Variants in CAMSAP1 observed in about 807,000 individuals in gnomAD.
CAMSAP1 encodes calmodulin-regulated spectrin-associated protein 1.
A neutral mutation model predicts 143.5 loss-of-function variants in CAMSAP1; 58 were observed. The observed-to-expected ratio is 0.40, with a 90% CI of 0.33 to 0.50. The LOEUF (loss-of-function observed/expected upper bound fraction) is 0.50, where lower values mean the gene tolerates loss of function less well. CAMSAP1 is among the 20% of genes least tolerant of loss of function. The probability of loss-of-function intolerance (pLI) is 0.45; values close to 1 mark genes in which losing one functional copy is unlikely to be tolerated. For missense variants in CAMSAP1, 1,969 were observed against 2,115.7 expected, an observed-to-expected ratio of 0.93 and a Z score of 1.36; for synonymous variants, 945 against 859.3, an observed-to-expected ratio of 1.10 and a Z score of -1.74.
rs2131662490 is a variant in CAMSAP1, at chr9:135,822,315, A to G, written c.2346T>C (p.His782=). The G allele has an allele frequency of 6.2e-7, 1 of 1,613,904 alleles. No individual in the cohort carries two copies. The change falls in exon 11 of 17, where the codon CAT becomes CAC. Residue 782 remains histidine (H), a synonymous_variant. Transcript: ENST00000389532. This position sits in a 1 kb window ranked among gnomAD's most constrained non-coding sequence, Gnocchi z 6.1. ...KLQEDMKVKE[H]EDKDDASGRS... is the part of the protein sequence containing the mutation. Reference sequence around the variant, plus strand: ...GGCCGCTGGCGTCATCTTTGTCTTCATGTTCCTTCACCTTCATGTCCTCCT... The same window carrying G: ...GGCCGCTGGCGTCATCTTTGTCTTCGTGTTCCTTCACCTTCATGTCCTCCT...
At position 135,847,174 on chromosome 9, in the gene CAMSAP1, C is replaced by T. The variant is rs573812600; in HGVS notation, c.1045+2963G>A. Among the ~76,000 whole-genome samples the T allele has an allele frequency of 1.1e-4, 17 of 150,184 alleles. No individual in the cohort carries two copies. In the East Asian group the frequency reaches 2.8e-3, roughly 25 times the overall value. ...CATCCTGGCTAACACGGTGAAACCC[C>T]GTCTCTACTAAAAAAAAAAAATACA... On this transcript the variant is annotated intron_variant, in intron 7 of 16. Coordinates refer to ENST00000389532, the MANE Select transcript of CAMSAP1 (RefSeq NM_015447.4).
chr9:135,856,075 A>T (rs990462858), intron 5 of CAMSAP1, among the ~76,000 whole-genome samples: 1 of 152,200 alleles, frequency 6.6e-6, no homozygotes, highest in African/African-American at 2.4e-5. Context: ...AAAATAAAAC[A>T]AAAACAAAAA....
intron 5 of CAMSAP1, among the ~76,000 whole-genome samples, chr9:135,854,984 T>C (rs1217660787): frequency 2.0e-5 from 3 of 152,068 alleles, no homozygotes; most frequent in African/African-American, 2.4e-5. Context: ...TAAGTTCTTA[T>C]CATTTAGCTC....
rs61221445 is a variant in CAMSAP1, at chr9:135,826,194, G to GCA, written c.1223+1211_1223+1212dup. On this transcript the variant is annotated intron_variant, in intron 8 of 16. Coordinates refer to ENST00000389532, the MANE Select transcript of CAMSAP1 (RefSeq NM_015447.4). This position sits in a 1 kb window ranked among gnomAD's most constrained non-coding sequence, Gnocchi z 4.4. Reference sequence around the variant, plus strand: ...CAGAGCAGCGTGTACACGGGCACCAGCACACACACACACACACACACGGCT... The same window carrying GCA: ...CAGAGCAGCGTGTACACGGGCACCAGCACACACACACACACACACACACGGCT... 0.014 allele frequency: 1,539 copies of GCA among 113,612 alleles called. 26 individuals carry two copies. Among genetic ancestry groups the GCA allele is most frequent in the African/African-American group, 0.043 (1,080 of 25,012 alleles). 7.0% of individuals were successfully genotyped at this position (113,612 alleles called of 1,614,324 possible).
At chr9:135,878,193 G>T (rs544182932) in intron 3 of CAMSAP1, among the ~76,000 whole-genome samples, 1 of 152,202 alleles carries the variant, frequency 6.6e-6, no homozygotes, top group Non-Finnish European at 1.5e-5. Flanking sequence ...CGGCCAGGAG[G>T]AGACGGGTGA....
chr9:135,842,889 A>T (rs1836409530), intron 7 of CAMSAP1, among the ~76,000 whole-genome samples: 1 of 152,240 alleles, frequency 6.6e-6, no homozygotes, highest in Non-Finnish European at 1.5e-5. Flanking sequence ...AAAGATGCCA[A>T]ATTGTAAAGA....
chr9:135,837,967 A>G (rs1836153585), intron 7 of CAMSAP1, among the ~76,000 whole-genome samples: 1 of 147,328 alleles, frequency 6.8e-6, no homozygotes. Context: ...TACCCCTTCT[A>G]CAGACACACA....
At chr9:135,813,605 T>C (rs192727576) in intron 16 of CAMSAP1, among the ~76,000 whole-genome samples, 2 of 152,284 alleles carry the variant, frequency 1.3e-5, no homozygotes. Flanking sequence ...GCCCACAGCT[T>C]ATGTGGCACA....
rs1300213066 is a variant in CAMSAP1 at position 135,819,249 on chromosome 9, T to C, written c.3823-103A>G. On this transcript the variant is annotated intron_variant, in intron 11 of 16. Transcript: ENST00000389532. ...GACTTCCACTACGCTTTTAAAAGTT[T>C]AACGCATAAAGACTTCTATGCTTTT... 4 of 1,397,010 alleles carry C rather than the reference T, an allele frequency of 2.9e-6. No individual in the cohort carries two copies. The East Asian group carries it at 1.0e-4, about 35-fold the overall frequency. 86.5% of individuals were successfully genotyped at this position (1,397,010 alleles called of 1,614,324 possible). A position where few individuals can be genotyped will look rare whatever the true frequency, so the allele number is the denominator to read the frequency against.
intron 1 of CAMSAP1, among the ~76,000 whole-genome samples, chr9:135,887,036 G>A (rs547576649): frequency 7.9e-5 from 12 of 152,236 alleles, no homozygotes; most frequent in Admixed American, 2.6e-4. Context: ...GACTGGAAGC[G>A]CAAGAGTAAA....
chr9:135,896,446 C>T (rs1214855269), intron 1 of CAMSAP1, among the ~76,000 whole-genome samples: 1 of 152,160 alleles, frequency 6.6e-6, no homozygotes, highest in Non-Finnish European at 1.5e-5. Flanking sequence ...TAGCTAGGGA[C>T]TTCAACACCC....
At chr9:135,900,129 G>C (rs574142296) in intron 1 of CAMSAP1, among the ~76,000 whole-genome samples, 2 of 152,078 alleles carry the variant, frequency 1.3e-5, no homozygotes, top group Admixed American at 1.3e-4. Context: ...GGGCTCAACT[G>C]ATCTTCCCAC....
rs1200673480 is a variant in CAMSAP1, at chr9:135,820,730, T to C, written c.3822+109A>G. 19 of 1,421,164 alleles carry C rather than the reference T, an allele frequency of 1.3e-5. No homozygotes were observed. The East Asian group carries it at 3.7e-4, about 28-fold the overall frequency. The allele number at this position is 1,421,164 out of a possible 1,614,324, so 88.0% of individuals were successfully genotyped here. ...CTAAACACACACATCCCCTGGCCTC[T>C]TACAGGAGCGGCTGGCCAGCCTGGT... On this transcript the variant is annotated intron_variant, in intron 11 of 16. Transcript: ENST00000389532. This position sits in a 1 kb window ranked among gnomAD's most constrained non-coding sequence, Gnocchi z 4.4.
chr9:135,809,168 T>G lies in CAMSAP1; in HGVS notation c.*2141A>C, dbSNP rs1231010549. 6.6e-6 allele frequency: 1 copy of G among 152,176 alleles called. No individual in the cohort carries two copies. Among genetic ancestry groups the G allele is most frequent in the Non-Finnish European group, 1.5e-5 (1 of 68,038 alleles). The allele number at this position is 152,176 out of a possible 1,614,324, so 9.4% of individuals were successfully genotyped here. On this transcript the variant is annotated 3_prime_UTR_variant, in exon 17 of 17. Transcript: ENST00000389532. ...AAAATTAATCCTGTGTCTGAAACTT[T>G]TCAAGACTAATTAAAAGGGTTGCTG...
Position 135,808,723 on chromosome 9 carries a change from C to G in CAMSAP1, c.*2586G>C, listed in dbSNP as rs1259449435. ...GCAGTCCATCTTTGGTGCACGCACA[C>G]AGCCATGTGCACGCACACGTGTGGG... On this transcript the variant is annotated 3_prime_UTR_variant, in exon 17 of 17. Coordinates refer to ENST00000389532, the MANE Select transcript of CAMSAP1 (RefSeq NM_015447.4). 2.6e-5 allele frequency: 4 copies of G among 152,186 alleles called. No individual in the cohort carries two copies. Among genetic ancestry groups the G allele is most frequent in the African/African-American group, 9.7e-5 (4 of 41,434 alleles). 9.4% of individuals were successfully genotyped at this position (152,186 alleles called of 1,614,324 possible). A position where few individuals can be genotyped will look rare whatever the true frequency, so the allele number is the denominator to read the frequency against.
intron 11 of CAMSAP1, among the ~76,000 whole-genome samples, chr9:135,819,572 G>A (rs1025535992): frequency 2.7e-5 from 4 of 150,418 alleles, no homozygotes; most frequent in Non-Finnish European, 2.9e-5. Context: ...GGTGGCTCAC[G>A]CCTGTAATCC....
Position 135,811,758 on chromosome 9 carries a change from A to C in CAMSAP1, c.4507-147T>G, listed in dbSNP as rs1835061748. On this transcript the variant is annotated intron_variant, in intron 16 of 16. Coordinates refer to ENST00000389532, the MANE Select transcript of CAMSAP1 (RefSeq NM_015447.4). The surrounding 1 kb of genome is among the most constrained non-coding windows in gnomAD (Gnocchi z 4.9). ...TACGGCCTGCCTGTTGTAAACAATT[A>C]CAGCAGACCCCTGTACGGGAGCATT... 1 of 707,796 alleles carries C rather than the reference A, an allele frequency of 1.4e-6. No individual in the cohort carries two copies. Among genetic ancestry groups the C allele is most frequent in the Admixed American group, 2.7e-5 (1 of 37,272 alleles). The allele number at this position is 707,796 out of a possible 1,614,324, so 43.8% of individuals were successfully genotyped here. A position where few individuals can be genotyped will look rare whatever the true frequency, so the allele number is the denominator to read the frequency against.
chr9:135,818,767 G>A lies in CAMSAP1; in HGVS notation c.3960-151C>T, dbSNP rs1181103353. 2 of 1,114,316 alleles carry A rather than the reference G, an allele frequency of 1.8e-6. No homozygotes were observed. The highest frequency in any genetic ancestry group is 1.6e-5 in the South Asian group (1 of 62,602). 69.0% of individuals were successfully genotyped at this position (1,114,316 alleles called of 1,614,324 possible). On this transcript the variant is annotated intron_variant, in intron 12 of 16. Coordinates refer to ENST00000389532, the MANE Select transcript of CAMSAP1 (RefSeq NM_015447.4). The surrounding 1 kb of genome is among the most constrained non-coding windows in gnomAD (Gnocchi z 7.7). ...CCTCCACAAGCGGGACACAGAGGCT[G>A]CAAAGGCAGTCCTGCAGATGACCCA...
chr9:135,818,227 T>C lies in CAMSAP1; in HGVS notation c.4169-148A>G. ...CCATCCCGGGGAGCCGGGCTGCGCC[T>C]GGATGTGCCGCACATCTCAGAGCAT... On this transcript the variant is annotated intron_variant, in intron 13 of 16. Coordinates refer to ENST00000389532, the MANE Select transcript of CAMSAP1 (RefSeq NM_015447.4). This position sits in a 1 kb window ranked among gnomAD's most constrained non-coding sequence, Gnocchi z 7.7. 8.9e-7 allele frequency: 1 copy of C among 1,119,286 alleles called. No individual in the cohort carries two copies. The highest frequency in any genetic ancestry group is 1.3e-6 in the Non-Finnish European group (1 of 791,968). The allele number at this position is 1,119,286 out of a possible 1,614,324, so 69.3% of individuals were successfully genotyped here.
Sources: gnomAD v4.1 joint callset for allele counts (sites outside exome capture counted in the v4.1 genomes callset) on GRCh38, gnomAD v4.1.1 for gene constraint, Gnocchi (gnomAD v3.1) non-coding constraint, MANE v1.5 for transcripts, NCBI Gene and HGNC (gene_info 2026-07-23, HGNC 2026-07-21) for gene names.